Variants in MLH3 observed in about 807,000 individuals in gnomAD.
MLH3 encodes the protein mutL homolog 3.
Under a neutral mutation model 122.2 loss-of-function variants are expected in MLH3, and 82 were observed. The observed-to-expected ratio is 0.67, with a 90% confidence interval of 0.56 to 0.81. The LOEUF (loss-of-function observed/expected upper bound fraction) is 0.81, where lower values mean the gene tolerates loss of function less well. Among genes scored for constraint, MLH3 ranks in the 30% least tolerant of loss-of-function variants. The probability of loss-of-function intolerance (pLI) is 0.00; values close to 1 mark genes in which losing one functional copy is unlikely to be tolerated. For synonymous variants in MLH3, 524 were observed against 599.5 expected, an observed-to-expected ratio of 0.87 and a Z score of 1.84; for missense variants, 1,539 against 1,714.5, an observed-to-expected ratio of 0.90 and a Z score of 1.81.
At chr14:75,036,175 T>C (rs1219005490) in intron 6 of MLH3, among the ~76,000 whole-genome samples, 1 of 152,212 alleles carries the variant, frequency 6.6e-6, no homozygotes, top group Non-Finnish European at 1.5e-5. Flanking sequence ...TCTTAAGTGC[T>C]AGAATTATTC....
intron 9 of MLH3, among the ~76,000 whole-genome samples, chr14:75,023,588 A>T (rs1349994456): frequency 6.6e-6 from 1 of 152,074 alleles, no homozygotes; most frequent in African/African-American, 2.4e-5. Flanking sequence ...CCTCCCTTGC[A>T]TGTCTCTGTC....
chr14:75,040,449 C>CAAA (rs36233766), intron 4 of MLH3, among the ~76,000 whole-genome samples: 392 of 35,652 alleles, frequency 0.011, 40 homozygotes, highest in Non-Finnish European at 0.014. Context: ...GACTCTGTCA[C>CAAA]AAAAAAAAAA....
rs749125120 is a variant in MLH3 at position 75,048,035 on chromosome 14, T to C, written c.1621A>G (p.Ile541Val). 2.5e-6 allele frequency: 4 copies of C among 1,613,790 alleles called. No individual in the cohort carries two copies. The highest frequency in any genetic ancestry group is 1.1e-5 in the South Asian group (1 of 90,910). ...TTCTGAATTCTATTATTTTTCAAGATGTTGGCAGCCATGCCATTAACAGTA... is the reference window on the plus strand; with the variant it reads ...TTCTGAATTCTATTATTTTTCAAGACGTTGGCAGCCATGCCATTAACAGTA... ...STTVNGMAAN[I>V]LKNNRIQNQP... The change falls in exon 2 of 13, where the codon ATC becomes GTC. Residue 541 changes from isoleucine (I) to valine (V), a missense_variant. Transcript: ENST00000355774.
chr14:75,048,868 T>C lies in MLH3; in HGVS notation c.788A>G (p.Lys263Arg), dbSNP rs2139599317. The part of the protein sequence containing the change: ...FVNKRLVLRT[K>R]LHKLIDFLLR... The stretch of plus-strand genomic sequence containing the variant: ...TAAAAAGTCAATGAGTTTATGTAGC[T>C]TTGTCCTTAAAACTAGTCTTTTGTT... The change falls in exon 2 of 13, where the codon AAG becomes AGG. Residue 263 changes from lysine to arginine, a missense_variant. Transcript: ENST00000355774. 1.2e-6 allele frequency: 2 copies of C among 1,614,072 alleles called. No individual in the cohort carries two copies. The highest frequency in any genetic ancestry group is 8.5e-7 in the Non-Finnish European group (1 of 1,179,966).
chr14:75,030,501 C>T lies in MLH3; in HGVS notation c.3987+42G>A, dbSNP rs762454335. On this transcript the variant is annotated intron_variant, in intron 9 of 12. Coordinates refer to ENST00000355774, the MANE Select transcript of MLH3 (RefSeq NM_001040108.2). ...ATCTACAGACAAAATATGAGGTTAC[C>T]ATCACTCAGCAATTTCCTTAACATC... The T allele has an allele frequency of 5.7e-6, 9 of 1,588,826 alleles. No individual in the cohort carries two copies. The East Asian group carries it at 1.8e-4, about 32-fold the overall frequency.
At chr14:75,036,056 G>A (rs920051993) in intron 6 of MLH3, among the ~76,000 whole-genome samples, 6 of 152,212 alleles carry the variant, frequency 3.9e-5, no homozygotes, top group Admixed American at 6.5e-5. Flanking sequence ...TCTTGGCAGC[G>A]TTTGGCATGA....
At chr14:75,038,157 C>T (rs903691659) in intron 6 of MLH3, among the ~76,000 whole-genome samples, 183 bp downstream of exon 6, 5 of 152,182 alleles carry the variant, frequency 3.3e-5, no homozygotes, top group African/African-American at 1.2e-4. Flanking sequence ...GCCTCACCTC[C>T]CAAAGTGTTG....
rs772538373 is a variant in MLH3, at chr14:75,047,482, T to C, written c.2174A>G (p.Asn725Ser). Residue 725 changes from asparagine (N) to serine (S), a missense_variant, in exon 2 of 13, where the codon AAT becomes AGT. Asn to Ser is a conservative substitution (Grantham distance 46, BLOSUM62 1). Transcript: ENST00000355774. ...TAATTTATCTGTTTTCCTACTATCA[T>C]TGGAAACGTGTCTATACCAGGGGAA... ...PSFPWYRHVS[N>S]DSRKTDKLIG... The C allele has an allele frequency of 6.8e-6, 11 of 1,613,992 alleles. No individual in the cohort carries two copies. Among genetic ancestry groups the C allele is most frequent in the Admixed American group, 5.0e-5 (3 of 60,012 alleles).
intron 2 of MLH3, among the ~76,000 whole-genome samples, chr14:75,045,907 G>A (rs1315140948): frequency 2.0e-5 from 3 of 152,114 alleles, no homozygotes; most frequent in East Asian, 1.9e-4. Flanking sequence ...GAGGCTGCGT[G>A]CGGGCTCACA....
rs1374687248 is a variant in MLH3, at chr14:75,039,974, T to C, written c.3507A>G (p.Ala1169=). Residue 1169 remains alanine, a synonymous_variant, in exon 5 of 13, where the codon GCA becomes GCG. Transcript: ENST00000355774. ...GATACAAGATGTTGTGAATTTTAAC[T>C]GCTAAGCTCTCAGCCTGGCCACTGC... The part of the protein sequence containing the change: ...DVSSGQAESL[A]VKIHNILYPY... 1.2e-6 allele frequency: 2 copies of C among 1,602,246 alleles called. No individual in the cohort carries two copies. Among genetic ancestry groups the C allele is most frequent in the African/African-American group, 1.3e-5 (1 of 74,322 alleles).
intron 11 of MLH3, among the ~76,000 whole-genome samples, chr14:75,021,808 C>G (rs764801602): frequency 2.6e-5 from 4 of 152,202 alleles, no homozygotes; most frequent in Non-Finnish European, 5.9e-5. Flanking sequence ...TACCATTCAA[C>G]CCAGTAATCC....
Position 75,030,625 on chromosome 14 carries a change from C to T in MLH3, c.3905G>A (p.Gly1302Glu), listed in dbSNP as rs2139385652. Residue 1302 changes from glycine to glutamate, a missense_variant, in exon 9 of 13, where the codon GGA becomes GAA. Coordinates refer to ENST00000355774, the MANE Select transcript of MLH3 (RefSeq NM_001040108.2). ...PDTSDSLVLV[G>E]KVPLCFVERE... ...TTCCACAAAACATAGTGGTACTTTTCCCACAAGGACCAGAGAATCACTAGT... is the reference window on the plus strand; with the variant it reads ...TTCCACAAAACATAGTGGTACTTTTTCCACAAGGACCAGAGAATCACTAGT... 2 of 1,613,584 alleles carry T rather than the reference C, an allele frequency of 1.2e-6. No individual in the cohort carries two copies. Among genetic ancestry groups the T allele is most frequent in the Non-Finnish European group, 1.7e-6 (2 of 1,179,570 alleles).
chr14:75,022,895 A>G lies in MLH3; in HGVS notation c.4012-3T>C. On this transcript the variant is annotated splice_region_variant and splice_polypyrimidine_tract_variant and intron_variant, in intron 10 of 12. Coordinates refer to ENST00000355774, the MANE Select transcript of MLH3 (RefSeq NM_001040108.2). ...ATGCCTCCGGTGGTCTGGAGTAGCT[A>G]ATGCATAAACACGTTATTAACAGGA... 2.5e-6 allele frequency: 4 copies of G among 1,614,012 alleles called. No individual in the cohort carries two copies. Among genetic ancestry groups the G allele is most frequent in the Non-Finnish European group, 3.4e-6 (4 of 1,179,928 alleles).
intron 11 of MLH3, among the ~76,000 whole-genome samples, chr14:75,019,359 G>A (rs933466354): frequency 3.6e-5 from 5 of 138,816 alleles, no homozygotes; most frequent in Non-Finnish European, 6.0e-5. Flanking sequence ...GCAGTGAGCC[G>A]AGATCACGCC....
intron 9 of MLH3, among the ~76,000 whole-genome samples, chr14:75,030,269 T>G (rs966010244): frequency 2.0e-5 from 3 of 152,234 alleles, no homozygotes; most frequent in Admixed American, 1.3e-4. Flanking sequence ...AAAACTATCT[T>G]GGTGCATTCT....
intron 7 of MLH3, among the ~76,000 whole-genome samples, chr14:75,032,914 A>T (rs1428485986): frequency 1.6e-5 from 2 of 122,602 alleles, no homozygotes. Flanking sequence ...TGGGGAGAGA[A>T]ACTAGGAGGG....
chr14:75,039,801 G>A, intron 5 of MLH3, 110 bp downstream of exon 5: 1 of 311,474 alleles, frequency 3.2e-6, no homozygotes, highest in Non-Finnish European at 5.4e-6. Context: ...CCTTGACCAA[G>A]GTGGTCTATA....
intron 11 of MLH3, among the ~76,000 whole-genome samples, chr14:75,020,134 G>A (rs965223372): frequency 3.3e-5 from 5 of 152,150 alleles, no homozygotes; most frequent in East Asian, 1.9e-4. Flanking sequence ...AGGCCCCGAC[G>A]CTGACAAATG....
chr14:75,039,165 A>G (rs865923449), intron 5 of MLH3, among the ~76,000 whole-genome samples: 2 of 152,034 alleles, frequency 1.3e-5, no homozygotes, highest in African/African-American at 4.8e-5. Context: ...CTGCTAGTCT[A>G]TTAAAGAAGT....
Sources: gnomAD v4.1 joint callset for allele counts (sites outside exome capture counted in the v4.1 genomes callset) on GRCh38, gnomAD v4.1.1 for gene constraint, MANE v1.5 for transcripts, NCBI Gene and HGNC (gene_info 2026-07-23, HGNC 2026-07-21) for gene names.